NCAPH2: variants seen among roughly 807,000 people sequenced by gnomAD.
NCAPH2 encodes the protein condensin-2 complex subunit H2.
A neutral mutation model predicts 88.6 loss-of-function variants in NCAPH2; 56 were observed. The ratio of observed to expected loss-of-function variants is 0.63; its 90% CI spans 0.51 to 0.79. NCAPH2 has a LOEUF of 0.79. NCAPH2 is among the 30% of genes least tolerant of loss of function. NCAPH2 has a pLI of 0.00. For synonymous variants in NCAPH2, 378 were observed against 313.6 expected, an observed-to-expected ratio of 1.21 and a Z score of -2.17; for missense variants, 794 against 792.0, an observed-to-expected ratio of 1.00 and a Z score of -0.03.
At chr22:50,511,861 A>G (rs2068793340) in intron 1 of NCAPH2, among the ~76,000 whole-genome samples, 1 of 151,458 alleles carries the variant, frequency 6.6e-6, no homozygotes, top group African/African-American at 2.4e-5. Context: ...GTTAGCCAGG[A>G]TGGTCTTGGT....
chr22:50,516,662 C>T, intron 2 of NCAPH2, 114 bp downstream of exon 2: 4 of 869,150 alleles, frequency 4.6e-6, no homozygotes, highest in East Asian at 2.6e-5. Context: ...CTCCCTCTCT[C>T]CTCAGGTCTC....
intron 6 of NCAPH2, 32 bp from the exon 7 acceptor site, chr22:50,518,101 T>C (rs1363487143): frequency 6.2e-7 from 1 of 1,613,370 alleles, no homozygotes. Context: ...CTGGGAAGGG[T>C]CTCTACAGCA....
intron 1 of NCAPH2, among the ~76,000 whole-genome samples, chr22:50,514,678 C>G (rs954159536): frequency 1.2e-4 from 19 of 152,342 alleles, no homozygotes; most frequent in African/African-American, 4.1e-4. Flanking sequence ...TCCCTTCTTT[C>G]TGGACCAGCT....
At chr22:50,522,650 C>G (rs373877606) in intron 16 of NCAPH2, 21 bp from the exon 17 acceptor site, 6 of 1,613,682 alleles carry the variant, frequency 3.7e-6, no homozygotes, top group Non-Finnish European at 4.2e-6. Context: ...AGCTGCCCAG[C>G]TCACAGCTAC....
chr22:50,509,896 G>T (rs1334136348), intron 1 of NCAPH2, among the ~76,000 whole-genome samples: 1 of 151,642 alleles, frequency 6.6e-6, no homozygotes, highest in Non-Finnish European at 1.5e-5. Context: ...CATGCTTTCT[G>T]CCCCCACTTG....
At chr22:50,515,539 G>A (rs2068891959) in intron 1 of NCAPH2, among the ~76,000 whole-genome samples, 1 of 152,116 alleles carries the variant, frequency 6.6e-6, no homozygotes, top group Non-Finnish European at 1.5e-5. Flanking sequence ...TGGGACTACA[G>A]GCGCCCGCCA....
chr22:50,519,257 G>T lies in NCAPH2; in HGVS notation c.798G>T (p.Glu266Asp). 1 of 1,608,610 alleles carries T rather than the reference G, an allele frequency of 6.2e-7. No individual in the cohort carries two copies. Among genetic ancestry groups the T allele is most frequent in the South Asian group, 1.1e-5 (1 of 89,954 alleles). Residue 266 changes from glutamate (E) to aspartate (D), a missense_variant, in exon 9 of 20, where the codon GAG becomes GAT. Transcript: ENST00000420993. The part of the protein sequence containing the change: ...GEDEDAEEAV[E>D]LPEASAPKAA... Reference sequence around the variant, plus strand: ...ACGAGGATGCAGAGGAGGCAGTAGAGCTTCCTGAGGCCTCGGCCCCCAAGG... The same window carrying T: ...ACGAGGATGCAGAGGAGGCAGTAGATCTTCCTGAGGCCTCGGCCCCCAAGG...
chr22:50,518,513 C>A, intron 7 of NCAPH2, 136 bp from the exon 8 acceptor site: 1 of 1,061,272 alleles, frequency 9.4e-7, no homozygotes, highest in Non-Finnish European at 1.3e-6. Context: ...GCCCTGCTGT[C>A]TCCCCCCAGC....
At chr22:50,512,682 C>A (rs1265490640) in intron 1 of NCAPH2, among the ~76,000 whole-genome samples, 8 of 151,818 alleles carry the variant, frequency 5.3e-5, no homozygotes. Context: ...GTAGCTGGGA[C>A]TGCAGGCATG....
rs375383752 is a variant in NCAPH2, at chr22:50,524,239, C to T, written c.*864C>T. 8.8e-5 allele frequency: 141 copies of T among 1,606,680 alleles called. No homozygotes were observed. The highest frequency in any genetic ancestry group is 1.1e-4 in the Non-Finnish European group (131 of 1,179,886). ...CAGGCCTGTGATCAGCAGCCGGGTT[C>T]GAAGCCCAGGGCCCTGGGGCTGGCC... On this transcript the variant is annotated 3_prime_UTR_variant, in exon 20 of 20. Coordinates refer to ENST00000420993, the MANE Select transcript of NCAPH2 (RefSeq NM_152299.4).
In NCAPH2 at chr22:50,524,223, G is replaced by T; in HGVS notation, c.*848G>T. Reference sequence around the variant, plus strand: ...CGAGTCCAGCCCCGAACAGGCCTGTGATCAGCAGCCGGGTTCGAAGCCCAG... The same window carrying T: ...CGAGTCCAGCCCCGAACAGGCCTGTTATCAGCAGCCGGGTTCGAAGCCCAG... On this transcript the variant is annotated 3_prime_UTR_variant, in exon 20 of 20. Coordinates refer to ENST00000420993, the MANE Select transcript of NCAPH2 (RefSeq NM_152299.4). 6 of 1,607,984 alleles carry T rather than the reference G, an allele frequency of 3.7e-6. No homozygotes were observed. The highest frequency in any genetic ancestry group is 5.1e-6 in the Non-Finnish European group (6 of 1,179,902).
At chr22:50,511,809 C>G (rs2068791945) in intron 1 of NCAPH2, among the ~76,000 whole-genome samples, 1 of 151,570 alleles carries the variant, frequency 6.6e-6, no homozygotes, top group South Asian at 2.1e-4. Context: ...CCACGCCTGG[C>G]TAATTTTTTT....
rs776589816 is a variant in NCAPH2, at chr22:50,521,564, A to C, written c.955A>C (p.Ser319Arg). 1 of 1,613,594 alleles carries C rather than the reference A, an allele frequency of 6.2e-7. No individual in the cohort carries two copies. The highest frequency in any genetic ancestry group is 1.1e-5 in the South Asian group (1 of 91,084). The stretch of plus-strand genomic sequence containing the variant: ...CCAGGAGACTCCAGACCCCTGGCAG[A>C]GCCTGGACCCCTTTGACTCCTTGGA... The part of the protein sequence containing the change: ...CVKETPDPWQ[S>R]LDPFDSLESK... The change falls in exon 11 of 20, where the codon AGC (serine) becomes CGC (arginine). Residue 319 changes from serine (S) to arginine (R), a missense_variant. By Grantham distance (110) the Ser-to-Arg change is moderately radical (BLOSUM62 -1). This residue lies in a region of NCAPH2 where 735 missense variants were observed against 696.3 expected (regional missense o/e 1.06). Coordinates refer to ENST00000420993, the MANE Select transcript of NCAPH2 (RefSeq NM_152299.4).
At chr22:50,522,459 A>G in intron 15 of NCAPH2, 42 bp from the exon 16 acceptor site, 1 of 1,613,284 alleles carries the variant, frequency 6.2e-7, no homozygotes, top group South Asian at 1.1e-5. Context: ...GCACCTGCCG[A>G]CTAGCTGCCT....
intron 11 of NCAPH2, 41 bp from the exon 12 acceptor site, chr22:50,521,700 G>C (rs745866870): frequency 3.7e-6 from 6 of 1,612,358 alleles, no homozygotes; most frequent in Admixed American, 3.3e-5. Context: ...TTTGCACCCT[G>C]ATCCCCCAGC....
At position 50,516,494 on chromosome 22, in the gene NCAPH2, C is replaced by G; in HGVS notation, c.156C>G (p.Asn52Lys). Residue 52 changes from asparagine to lysine, a missense_variant, in exon 2 of 20, where the codon AAC becomes AAG. Asn to Lys is a moderately conservative substitution (Grantham distance 94, BLOSUM62 0). This residue lies in a region of NCAPH2 where 59 missense variants were observed against 95.7 expected (regional missense o/e 0.62). Transcript: ENST00000420993. ...TTGACGAAGGCAAGACCACAATGAA[C>G]TTCATTGAGGCAGCGTTGTTGATCC... ...ISFDEGKTTMNFIEAALLIQG... is the reference protein window; with the variant it reads ...ISFDEGKTTMKFIEAALLIQG... 2 of 1,614,206 alleles carry G rather than the reference C, an allele frequency of 1.2e-6. No individual in the cohort carries two copies. Among genetic ancestry groups the G allele is most frequent in the Non-Finnish European group, 1.7e-6 (2 of 1,180,028 alleles).
intron 1 of NCAPH2, among the ~76,000 whole-genome samples, chr22:50,513,371 G>T (rs1393749864): frequency 6.6e-6 from 1 of 152,102 alleles, no homozygotes; most frequent in Admixed American, 6.5e-5. Context: ...AGCCGAGGTG[G>T]CTCACGCCTG....
chr22:50,523,834 C>G lies in NCAPH2; in HGVS notation c.*459C>G. The G allele has an allele frequency of 5.0e-6, 8 of 1,614,032 alleles. No individual in the cohort carries two copies. The highest frequency in any genetic ancestry group is 6.8e-6 in the Non-Finnish European group (8 of 1,180,020). On this transcript the variant is annotated 3_prime_UTR_variant, in exon 20 of 20. Transcript: ENST00000420993. ...AGCCTGGGCAACCTGTTTGGTGGAG[C>G]CGGTCAGACCCAACAGTCTTGGGTG...
chr22:50,517,551 G>A (rs200222785), intron 3 of NCAPH2, 26 bp from the exon 4 acceptor site: 139 of 1,614,078 alleles, frequency 8.6e-5, no homozygotes, highest in Middle Eastern at 3.3e-4. Context: ...CTCCTGGGAT[G>A]CCCACGGGAT....
Sources: allele counts gnomAD v4.1 joint callset (sites outside exome capture counted in the v4.1 genomes callset), GRCh38; gene constraint gnomAD v4.1.1; regional missense constraint gnomAD v4.1.1; transcripts MANE v1.5; gene names NCBI Gene and HGNC (gene_info 2026-07-23, HGNC 2026-07-21).